The following HMGN3 variants were observed in gnomAD, a reference collection of about 807,000 sequenced individuals.
HMGN3 encodes the protein high mobility group nucleosome-binding domain-containing protein 3.
Under a neutral mutation model 18.8 loss-of-function variants are expected in HMGN3, and 6 were observed. That is an observed-to-expected ratio of 0.32 (90% CI 0.18 to 0.63). The LOEUF (loss-of-function observed/expected upper bound fraction) is 0.63, where lower values mean the gene tolerates loss of function less well. Ranked by LOEUF, HMGN3 falls within the 30% of genes least tolerant of loss-of-function variation. The pLI is 0.79. For synonymous variants in HMGN3, 40 were observed against 36.5 expected (o/e 1.10, Z -0.35); for missense variants, 107 against 114.2 (o/e 0.94, Z 0.29).
At chr6:79,201,756 T>C (rs1416759260) in intron 5 of HMGN3, 30 bp from the exon 7 acceptor site, 17 of 1,603,292 alleles carry the variant, frequency 1.1e-5, no homozygotes, top group Middle Eastern at 1.7e-4. Context: ...AAAAAACATA[T>C]AGTTACTACT....
chr6:79,228,562 G>C (rs2127839989), intron 1 of HMGN3, among the ~76,000 whole-genome samples: 1 of 152,176 alleles, frequency 6.6e-6, no homozygotes, highest in East Asian at 1.9e-4. Context: ...ATAATGGCAG[G>C]CTTTATTTTT....
chr6:79,210,377 A>G (rs991896974), intron 2 of HMGN3, among the ~76,000 whole-genome samples: 20 of 152,148 alleles, frequency 1.3e-4, no homozygotes, highest in Non-Finnish European at 7.4e-5. Context: ...ACCTTCCAAG[A>G]TGAAAGTGAC....
At chr6:79,231,554 C>G (rs568996214) in intron 1 of HMGN3, among the ~76,000 whole-genome samples, 7 of 152,292 alleles carry the variant, frequency 4.6e-5, no homozygotes, top group South Asian at 2.1e-4. Context: ...GTAGTTATGA[C>G]TATCACACAC....
chr6:79,201,542 G>T, exon 6 of HMGN3: 1 of 609,190 alleles, frequency 1.6e-6, no homozygotes, highest in East Asian at 2.7e-5. Context: ...ATGACTATGA[G>T]ACGATAAAAT....
intron 4 of HMGN3, among the ~76,000 whole-genome samples, chr6:79,203,013 A>T (rs1369035787): frequency 6.6e-6 from 1 of 152,182 alleles, no homozygotes; most frequent in African/African-American, 2.4e-5. Flanking sequence ...ATTTTGGGTA[A>T]GTTCCCTAAG....
Position 79,201,606 on chromosome 6 carries a change from A to G in HMGN3, c.*82T>C, listed in dbSNP as rs1290464937. The stretch of plus-strand genomic sequence containing the variant: ...ACTAGTAGAGTCCTAAAAAATTAGC[A>G]TTTACAAAATACTTGGTAAAAATAG... On this transcript the variant is annotated 3_prime_UTR_variant, in exon 6 of 6. Coordinates refer to ENST00000344726, the Ensembl canonical transcript of HMGN3. 7.3e-6 allele frequency: 7 copies of G among 962,164 alleles called. No homozygotes were observed. In the African/African-American group the frequency reaches 9.9e-5, roughly 14 times the overall value. 59.6% of individuals were successfully genotyped at this position (962,164 alleles called of 1,614,324 possible). A position where few individuals can be genotyped will look rare whatever the true frequency, so the allele number is the denominator to read the frequency against.
chr6:79,208,708 AG>A, intron 2 of HMGN3, 132 bp from the exon 3 acceptor site: 1 of 762,872 alleles, frequency 1.3e-6, no homozygotes, highest in Non-Finnish European at 2.3e-6. Context: ...CACCTTCTCC[AG>A]GTAAGCACAG....
At chr6:79,203,495 G>A (rs1776253920) in intron 4 of HMGN3, 85 bp downstream of exon 4, 2 of 1,137,630 alleles carry the variant, frequency 1.8e-6, no homozygotes, top group Middle Eastern at 2.0e-4. Flanking sequence ...CATTAAATAC[G>A]GCCTTTCTTT....
In HMGN3 at chr6:79,214,178, T is replaced by C. The variant is rs945135654; in HGVS notation, c.66+794A>G. On this transcript the variant is annotated intron_variant, in intron 2 of 5. Transcript: ENST00000344726. ...AAAAAAGCTTTAATATTTTGACATATTGTGTATCCCTCTACAGTTCTTTTT... is the reference window on the plus strand; with the variant it reads ...AAAAAAGCTTTAATATTTTGACATACTGTGTATCCCTCTACAGTTCTTTTT... Among the ~76,000 whole-genome samples the C allele has an allele frequency of 3.9e-5, 6 of 152,026 alleles. 1 individual carries two copies. The South Asian group carries it at 8.3e-4, about 21-fold the overall frequency.
intron 4 of HMGN3, among the ~76,000 whole-genome samples, chr6:79,203,040 T>C (rs1196903338): frequency 6.6e-6 from 1 of 152,186 alleles, no homozygotes; most frequent in Admixed American, 6.5e-5. Context: ...GTACCTCAGT[T>C]TCCTCATCTG....
intron 1 of HMGN3, among the ~76,000 whole-genome samples, chr6:79,228,495 G>A (rs761318591): frequency 1.4e-4 from 22 of 152,134 alleles, no homozygotes; most frequent in Non-Finnish European, 2.9e-4. Context: ...ACTCAATATT[G>A]CTAAGAAAGC....
exon 1 of HMGN3, chr6:79,234,643 AG>A: frequency 7.3e-7 from 1 of 1,374,410 alleles, no homozygotes; most frequent in Admixed American, 1.7e-5. Flanking sequence ...CTGCCTCTGC[AG>A]CTGCTCACGC....
chr6:79,225,488 T>C (rs1338275305), intron 1 of HMGN3, among the ~76,000 whole-genome samples: 1 of 152,164 alleles, frequency 6.6e-6, no homozygotes, highest in African/African-American at 2.4e-5. Context: ...CAAAAGCATC[T>C]ACTTATTTTT....
chr6:79,215,889 A>G (rs1446021456), intron 1 of HMGN3, among the ~76,000 whole-genome samples: 3 of 152,250 alleles, frequency 2.0e-5, no homozygotes, highest in Admixed American at 6.5e-5. Flanking sequence ...AAAGTTAGAA[A>G]GTGAATACTC....
At chr6:79,207,565 G>C (rs1359399786) in intron 3 of HMGN3, among the ~76,000 whole-genome samples, 1 of 152,170 alleles carries the variant, frequency 6.6e-6, no homozygotes, top group Non-Finnish European at 1.5e-5. Flanking sequence ...GCCCAGTCTT[G>C]AGTATGTCTT....
chr6:79,204,696 C>A (rs998043927), intron 3 of HMGN3, among the ~76,000 whole-genome samples: 1 of 152,120 alleles, frequency 6.6e-6, no homozygotes, highest in South Asian at 2.1e-4. Flanking sequence ...TGAATCTGCC[C>A]CTTTTCATCA....
intron 5 of HMGN3, 117 bp from the exon 7 acceptor site, chr6:79,201,843 GC>G: frequency 6.8e-7 from 1 of 1,469,310 alleles, no homozygotes; most frequent in East Asian, 2.4e-5. Flanking sequence ...TTTTTTTCCA[GC>G]TTTACTGCAA....
intron 2 of HMGN3, among the ~76,000 whole-genome samples, chr6:79,211,011 C>CAAAAAAAAAAA (rs59749044): frequency 1.1e-5 from 1 of 89,746 alleles, no homozygotes; most frequent in Non-Finnish European, 2.1e-5. Flanking sequence ...GAAATTAATG[C>CAAAAAAAAAAA]AAAAAAAAAA....
chr6:79,213,306 C>T (rs1404584616), intron 2 of HMGN3, among the ~76,000 whole-genome samples: 4 of 152,186 alleles, frequency 2.6e-5, no homozygotes, highest in East Asian at 1.9e-4. Flanking sequence ...CAAAACCACA[C>T]ACATATCCTT....
Sources: allele counts gnomAD v4.1 joint callset (sites outside exome capture counted in the v4.1 genomes callset), GRCh38; gene constraint gnomAD v4.1.1; transcripts MANE v1.5; gene names NCBI Gene and HGNC (gene_info 2026-07-23, HGNC 2026-07-21).